The following MTPAP variants were observed in gnomAD, a reference collection of about 807,000 sequenced individuals.
The protein encoded by MTPAP is poly(A) RNA polymerase, mitochondrial.
In MTPAP, 23 loss-of-function variants were observed where a neutral mutation model predicts 48.7. The ratio of observed to expected loss-of-function variants is 0.47; its 90% CI spans 0.34 to 0.67. The LOEUF is 0.67. MTPAP is among the 30% of genes least tolerant of loss of function. The probability of loss-of-function intolerance (pLI) is 0.01; values close to 1 mark genes in which losing one functional copy is unlikely to be tolerated. For synonymous variants in MTPAP, 257 were observed against 254.1 expected (o/e 1.01, Z -0.11); for missense variants, 614 against 694.3 (o/e 0.88, Z 1.30).
Position 30,313,644 on chromosome 10 carries a change from T to G in MTPAP, c.1714A>C (p.Thr572Pro). 1 of 1,614,208 alleles carries G rather than the reference T, an allele frequency of 6.2e-7. No homozygotes were observed. Among genetic ancestry groups the G allele is most frequent in the Non-Finnish European group, 8.5e-7 (1 of 1,180,020 alleles). The change falls in exon 9 of 9, where the codon ACC (threonine) becomes CCC (proline). Residue 572 changes from threonine to proline, a missense_variant. Around this residue, in one of 5 missense-constraint regions of MTPAP, gnomAD observed 109 missense variants for 100.5 expected, o/e 1.08. Coordinates refer to ENST00000263063, the MANE Select transcript of MTPAP (RefSeq NM_018109.4). ...KGNRTENFTK[T>P]SGKRTISTQT Reference sequence around the variant, plus strand: ...GTACTAATTGTTCTCTTCCCACTGGTTTTTGTGAAATTTTCTGTTCTGTTA... The same window carrying G: ...GTACTAATTGTTCTCTTCCCACTGGGTTTTGTGAAATTTTCTGTTCTGTTA...
chr10:30,319,432 T>C (rs1311964026), intron 6 of MTPAP, among the ~76,000 whole-genome samples: 1 of 152,088 alleles, frequency 6.6e-6, no homozygotes, highest in Non-Finnish European at 1.5e-5. Context: ...GAGGTACAGC[T>C]TAGAAGAAAT....
Position 30,322,580 on chromosome 10 carries a change from C to CAT in MTPAP, c.1028_1029dup (p.Gly344MetfsTer4). ...GCTCTCACTCTTGAGTCTAGGGCAC[C>CAT]ATATATATAAAGGAGTTCGGAACTT... On this transcript the variant is annotated frameshift_variant, in exon 6 of 9. Transcript: ENST00000263063. LOFTEE classifies it high-confidence loss of function. 1 of 1,613,770 alleles carries CAT rather than the reference C, an allele frequency of 6.2e-7. No individual in the cohort carries two copies. Among genetic ancestry groups the CAT allele is most frequent in the Non-Finnish European group, 8.5e-7 (1 of 1,179,834 alleles).
At position 30,340,325 on chromosome 10, in the gene MTPAP, C is replaced by T. The variant is rs146816044; in HGVS notation, c.456G>A (p.Lys152=). 33 of 1,614,154 alleles carry T rather than the reference C, an allele frequency of 2.0e-5. No individual in the cohort carries two copies. The African/African-American group carries it at 2.8e-4, about 14-fold the overall frequency. ...IPFRSRFFNL[K]LKNQTSERSR... is the part of the protein sequence containing the mutation. ...ACCGTTCAGAAGTCTGGTTTTTCAA[C>T]TTCAGATTGAAGAAACGTGATCTGA... The change falls in exon 3 of 9, where the codon AAG becomes AAA. Residue 152 remains lysine, a synonymous_variant. Transcript: ENST00000263063.
chr10:30,345,822 G>A (rs1403548707), intron 1 of MTPAP, among the ~76,000 whole-genome samples: 1 of 152,044 alleles, frequency 6.6e-6, no homozygotes, highest in East Asian at 1.9e-4. Context: ...CAGGGAGGGT[G>A]GATCACTTGA....
chr10:30,326,914 A>G (rs1834604224), intron 4 of MTPAP, among the ~76,000 whole-genome samples: 1 of 152,200 alleles, frequency 6.6e-6, no homozygotes, highest in Non-Finnish European at 1.5e-5. Context: ...GTATAAAATG[A>G]ATCATAAATA....
In MTPAP at chr10:30,311,629, T is replaced by C. The variant is rs608872; in HGVS notation, c.*1980A>G. 118,901 of 152,172 alleles carry C rather than the reference T, an allele frequency of 0.78. 46,822 individuals carry two copies. Among genetic ancestry groups the C allele is most frequent in the African/African-American group, 0.88 (36,535 of 41,530 alleles). The allele number at this position is 152,172 out of a possible 1,614,324, so 9.4% of individuals were successfully genotyped here. A position where few individuals can be genotyped will look rare whatever the true frequency, so the allele number is the denominator to read the frequency against. On this transcript the variant is annotated 3_prime_UTR_variant, in exon 9 of 9. Transcript: ENST00000263063. The stretch of plus-strand genomic sequence containing the variant: ...CCCAAGAGACTGAGTAACTTGTCAT[T>C]GAGCCAGTCTCGCTCAAGTCTGTTT...
intron 4 of MTPAP, among the ~76,000 whole-genome samples, chr10:30,327,544 T>TAAATA (rs1564520717): frequency 4.4e-5 from 6 of 136,234 alleles, no homozygotes; most frequent in African/African-American, 1.7e-4. Flanking sequence ...ATAAATAAAT[T>TAAATA]ACTAAAACTC....
At chr10:30,345,439 T>C (rs988907633) in intron 1 of MTPAP, among the ~76,000 whole-genome samples, 2 of 152,130 alleles carry the variant, frequency 1.3e-5, no homozygotes, top group Non-Finnish European at 2.9e-5. Context: ...GGTGGACTGC[T>C]GGCAAAGAGC....
rs183995251 is a variant in MTPAP, at chr10:30,346,864, C to T, written c.157+2255G>A. On this transcript the variant is annotated intron_variant, in intron 1 of 8. Coordinates refer to ENST00000263063, the MANE Select transcript of MTPAP (RefSeq NM_018109.4). Reference sequence around the variant, plus strand: ...GGTGGGCATGTGATCAATCGGAAGCCGCAAGCATGTGAACGTGGAGCTGCT... The same window carrying T: ...GGTGGGCATGTGATCAATCGGAAGCTGCAAGCATGTGAACGTGGAGCTGCT... Among the ~76,000 whole-genome samples, 74 of 152,172 alleles carry T rather than the reference C, an allele frequency of 4.9e-4. No individual in the cohort carries two copies. In the East Asian group the frequency reaches 8.5e-3, roughly 17 times the overall value.
chr10:30,316,074 C>T, intron 7 of MTPAP, 38 bp from the exon 8 acceptor site: 6 of 1,609,382 alleles, frequency 3.7e-6, no homozygotes, highest in Non-Finnish European at 5.1e-6. Context: ...AGAGGAAAGC[C>T]TGTTTCAATC....
chr10:30,321,057 A>C (rs933164099), intron 6 of MTPAP, among the ~76,000 whole-genome samples: 2 of 152,158 alleles, frequency 1.3e-5, no homozygotes, highest in Non-Finnish European at 2.9e-5. Context: ...TCATACCCCC[A>C]CTACTCCAAT....
intron 5 of MTPAP, among the ~76,000 whole-genome samples, chr10:30,325,777 TAAAG>T (rs1425514692): frequency 6.9e-6 from 1 of 145,412 alleles, no homozygotes; most frequent in Non-Finnish European, 1.5e-5. Context: ...AAAAATGAAA[TAAAG>T]AAATTTTCCC....
intron 5 of MTPAP, among the ~76,000 whole-genome samples, chr10:30,323,231 T>A (rs1840746858): frequency 6.7e-6 from 1 of 148,764 alleles, no homozygotes; most frequent in South Asian, 2.1e-4. Flanking sequence ...GGCGGGCGGA[T>A]CACCTGAGGT....
rs1056284750 is a variant in MTPAP at position 30,331,212 on chromosome 10, T to C, written c.781-4577A>G. Among the ~76,000 whole-genome samples, 4 of 152,206 alleles carry C rather than the reference T, an allele frequency of 2.6e-5. No homozygotes were observed. In the South Asian group the frequency reaches 8.3e-4, roughly 31 times the overall value. On this transcript the variant is annotated intron_variant, in intron 4 of 8. Transcript: ENST00000263063. The stretch of plus-strand genomic sequence containing the variant: ...AACTAGAAAAACTGTTCACAGACAG[T>C]TAGATCCATAAATACTTCCTATTAA...
At chr10:30,315,823 G>C in intron 8 of MTPAP, 140 bp downstream of exon 8, 2 of 960,178 alleles carry the variant, frequency 2.1e-6, no homozygotes, top group Non-Finnish European at 3.1e-6. Context: ...AACTTCTCTG[G>C]ACATCAACCT....
At chr10:30,346,745 C>T (rs1334698796) in intron 1 of MTPAP, among the ~76,000 whole-genome samples, 1 of 152,180 alleles carries the variant, frequency 6.6e-6, no homozygotes, top group East Asian at 1.9e-4. Flanking sequence ...TAAAAAACCA[C>T]TCTATGTGGT....
intron 3 of MTPAP, 110 bp downstream of exon 3, chr10:30,340,116 G>A: frequency 2.1e-6 from 2 of 931,228 alleles, no homozygotes; most frequent in Non-Finnish European, 3.3e-6. Context: ...TTGTAAAACT[G>A]AAGATCTATA....
rs542524274 is a variant in MTPAP at position 30,333,979 on chromosome 10, C to T, written c.780+2824G>A. On this transcript the variant is annotated intron_variant, in intron 4 of 8. Coordinates refer to ENST00000263063, the MANE Select transcript of MTPAP (RefSeq NM_018109.4). ...TTATCTGTTTCCTATGCCTGGCTAGCTTCAATTCAATAAGCATATGGTGAG... is the reference window on the plus strand; with the variant it reads ...TTATCTGTTTCCTATGCCTGGCTAGTTTCAATTCAATAAGCATATGGTGAG... Among the ~76,000 whole-genome samples the T allele has an allele frequency of 2.0e-5, 3 of 152,052 alleles. No homozygotes were observed. In the South Asian group the frequency reaches 6.2e-4, roughly 32 times the overall value.
In MTPAP at chr10:30,312,337, T is replaced by C. The variant is rs1840603564; in HGVS notation, c.*1272A>G. 1 of 151,748 alleles carries C rather than the reference T, an allele frequency of 6.6e-6. No individual in the cohort carries two copies. The highest frequency in any genetic ancestry group is 2.1e-4 in the South Asian group (1 of 4,820). The allele number at this position is 151,748 out of a possible 1,614,324, so 9.4% of individuals were successfully genotyped here. On this transcript the variant is annotated 3_prime_UTR_variant, in exon 9 of 9. Coordinates refer to ENST00000263063, the MANE Select transcript of MTPAP (RefSeq NM_018109.4). ...GGCTCACGCTTGTAATCCCAGCACT[T>C]TGGGAGGTTGAGGTGGGCTGATCAC...
Sources: gnomAD v4.1 joint callset for allele counts (sites outside exome capture counted in the v4.1 genomes callset) on GRCh38, gnomAD v4.1.1 for gene constraint, gnomAD v4.1.1 regional missense constraint, MANE v1.5 for transcripts, NCBI Gene and HGNC (gene_info 2026-07-23, HGNC 2026-07-21) for gene names.